NEXN: variants seen among roughly 807,000 people sequenced by gnomAD.
NEXN encodes the protein nexilin.
In NEXN, 65 loss-of-function variants were observed where a neutral mutation model predicts 92.6. That is an observed-to-expected ratio of 0.70 (90% CI 0.57 to 0.86). The LOEUF is 0.86. Ranked by LOEUF, NEXN falls within the 40% of genes least tolerant of loss-of-function variation. The pLI, the probability that NEXN is intolerant of heterozygous loss-of-function variation, is 0.00. For missense variants in NEXN, 778 were observed against 771.1 expected (o/e 1.01, Z -0.11); for synonymous variants, 254 against 242.5 (o/e 1.05, Z -0.44).
intron 12 of NEXN, 89 bp from the exon 13 acceptor site, chr1:77,942,370 TAA>T (rs374889046): frequency 5.5e-6 from 7 of 1,267,382 alleles, no homozygotes; most frequent in African/African-American, 4.4e-5. Flanking sequence ...GTTCTTTACT[TAA>T]AAAAAAAAAT....
chr1:77,935,200 G>A (rs1368577097), intron 10 of NEXN, among the ~76,000 whole-genome samples: 2 of 152,116 alleles, frequency 1.3e-5, no homozygotes, highest in African/African-American at 2.4e-5. Flanking sequence ...ACCATGCCCG[G>A]CTAATTTTTG....
intron 1 of NEXN, 84 bp downstream of exon 1, chr1:77,888,843 C>G (rs1647033886): frequency 6.5e-6 from 1 of 153,442 alleles, no homozygotes; most frequent in Non-Finnish European, 1.5e-5. Flanking sequence ...GCGGGAACGG[C>G]GGCTGCAGAG....
rs1651598830 is a variant in NEXN, at chr1:77,943,648, T to C, written c.*819T>C. 1 of 152,052 alleles carries C rather than the reference T, an allele frequency of 6.6e-6. No homozygotes were observed. The highest frequency in any genetic ancestry group is 2.1e-4 in the South Asian group (1 of 4,836). 9.4% of individuals were successfully genotyped at this position (152,052 alleles called of 1,614,324 possible). ...CTTGCCTGAACAAATTATATTTTAA[T>C]GAAAAAACTTTCTATTAATAGTTCA... On this transcript the variant is annotated 3_prime_UTR_variant, in exon 13 of 13. Transcript: ENST00000334785.
At chr1:77,913,226 C>T (rs1367047739) in intron 1 of NEXN, among the ~76,000 whole-genome samples, 1 of 152,086 alleles carries the variant, frequency 6.6e-6, no homozygotes, top group Non-Finnish European at 1.5e-5. Context: ...ACCAGCCTGA[C>T]CAATATAGCG....
rs115465149 is a variant in NEXN at position 77,927,186 on chromosome 1, A to G, written c.864+294A>G. On this transcript the variant is annotated intron_variant, in intron 8 of 12. Coordinates refer to ENST00000334785, the MANE Select transcript of NEXN (RefSeq NM_144573.4). ...GCTGCTTGGGAGGCTAAGGCACGAGAATCACTTGAACTTAGGCGATGGAGG... is the reference window on the plus strand; with the variant it reads ...GCTGCTTGGGAGGCTAAGGCACGAGGATCACTTGAACTTAGGCGATGGAGG... Among the ~76,000 whole-genome samples, 7,170 of 151,968 alleles carry G rather than the reference A, an allele frequency of 0.047. 229 individuals are homozygous for G. The highest frequency in any genetic ancestry group is 0.11 in the East Asian group (552 of 5,160).
At chr1:77,938,373 G>A (rs574070389) in intron 11 of NEXN, among the ~76,000 whole-genome samples, 2 of 152,184 alleles carry the variant, frequency 1.3e-5, no homozygotes, top group South Asian at 4.1e-4. Context: ...GTCTACAGCC[G>A]GGTGCGGTGG....
chr1:77,936,002 T>C lies in NEXN; in HGVS notation c.1431T>C (p.Ile477=). The C allele has an allele frequency of 2.5e-6, 4 of 1,613,878 alleles. No individual in the cohort carries two copies. Among genetic ancestry groups the C allele is most frequent in the Non-Finnish European group, 3.4e-6 (4 of 1,179,950 alleles). The change falls in exon 11 of 13, where the codon ATT becomes ATC. Residue 477 remains isoleucine (I), a synonymous_variant. Coordinates refer to ENST00000334785, the MANE Select transcript of NEXN (RefSeq NM_144573.4). ...IEEERARRRA[I]DLEIKEREAE... ...AAGAGCGAGCAAGAAGGAGAGCAAT[T>C]GACCTTGAAATTAAAGAGCGAGAAG...
At chr1:77,941,242 T>C (rs1324429244) in intron 11 of NEXN, among the ~76,000 whole-genome samples, 1 of 99,536 alleles carries the variant, frequency 1.0e-5, no homozygotes, top group Non-Finnish European at 2.0e-5. Flanking sequence ...AAACCAAAAG[T>C]CAAGAAACCA....
rs767792289 is a variant in NEXN, at chr1:77,936,021, C to T, written c.1450C>T (p.Arg484Ter). 3.7e-6 allele frequency: 6 copies of T among 1,612,946 alleles called. No homozygotes were observed. Among genetic ancestry groups the T allele is most frequent in the Non-Finnish European group, 5.1e-6 (6 of 1,179,412 alleles). The change falls in exon 11 of 13, where the codon CGA becomes TGA. Residue 484 changes from arginine (R) to a stop codon, truncating the protein, a stop_gained. Transcript: ENST00000334785. LOFTEE classifies it high-confidence loss of function. The part of the protein sequence containing the change: ...RRAIDLEIKE[R>*]EAENFHEEDD... ...AGCAATTGACCTTGAAATTAAAGAG[C>T]GAGAAGCTGAAAATTTTCATGAGGT... is the stretch of plus-strand genomic sequence containing the variant.
chr1:77,901,138 G>A (rs1647672255), intron 1 of NEXN, among the ~76,000 whole-genome samples: 1 of 152,070 alleles, frequency 6.6e-6, no homozygotes, highest in South Asian at 2.1e-4. Flanking sequence ...TAGAACCCCT[G>A]GGAGTCCTCA....
chr1:77,924,786 A>C (rs1649721879), intron 5 of NEXN, among the ~76,000 whole-genome samples: 1 of 152,016 alleles, frequency 6.6e-6, no homozygotes, highest in Non-Finnish European at 1.5e-5. Context: ...CAGCCTCCAG[A>C]GTAGCTGGGA....
At chr1:77,901,110 A>C (rs1480734046) in intron 1 of NEXN, among the ~76,000 whole-genome samples, 1 of 152,148 alleles carries the variant, frequency 6.6e-6, no homozygotes, top group African/African-American at 2.4e-5. Context: ...TAACTCAGCA[A>C]ATCTCAAAAT....
Position 77,942,764 on chromosome 1 carries a change from A to G in NEXN, c.1963A>G (p.Lys655Glu). The change falls in exon 13 of 13, where the codon AAA becomes GAA. Residue 655 changes from lysine to glutamate, a missense_variant. Around this residue, in one of 3 missense-constraint regions of NEXN, gnomAD observed 532 missense variants for 476.7 expected, o/e 1.12. Transcript: ENST00000334785. ...FPEDGGEYMCKAVNNKGSAAS... is the reference protein window; with the variant it reads ...FPEDGGEYMCEAVNNKGSAAS... The stretch of plus-strand genomic sequence containing the variant: ...AGAAGATGGAGGAGAGTATATGTGT[A>G]AAGCAGTCAACAATAAAGGATCTGC... 1 of 1,613,498 alleles carries G rather than the reference A, an allele frequency of 6.2e-7. No individual in the cohort carries two copies. Among genetic ancestry groups the G allele is most frequent in the Non-Finnish European group, 8.5e-7 (1 of 1,179,660 alleles).
chr1:77,940,714 A>C (rs1651194486), intron 11 of NEXN, among the ~76,000 whole-genome samples: 1 of 152,172 alleles, frequency 6.6e-6, no homozygotes, highest in South Asian at 2.1e-4. Context: ...GTCCTTTTTA[A>C]ATTTAAGTCT....
chr1:77,892,868 CTT>C (rs201767250), intron 1 of NEXN, among the ~76,000 whole-genome samples: 17 of 140,168 alleles, frequency 1.2e-4, no homozygotes, highest in Admixed American at 1.4e-4. Flanking sequence ...TGTAAATAAT[CTT>C]TTTTTTTTTT....
At chr1:77,942,274 G>T (rs1459921886) in intron 12 of NEXN, 66 bp downstream of exon 12, 1 of 1,535,260 alleles carries the variant, frequency 6.5e-7, no homozygotes, top group African/African-American at 1.4e-5. Context: ...TTTATAATTA[G>T]GTAGGTTAAA....
intron 1 of NEXN, among the ~76,000 whole-genome samples, chr1:77,915,504 C>T (rs1249644368): frequency 6.6e-6 from 1 of 152,174 alleles, no homozygotes; most frequent in Admixed American, 6.5e-5. Context: ...CGGCACACGC[C>T]TGTAGTCCCA....
intron 2 of NEXN, among the ~76,000 whole-genome samples, chr1:77,916,852 T>TC (rs1346338967): frequency 6.6e-6 from 1 of 152,210 alleles, no homozygotes; most frequent in Non-Finnish European, 1.5e-5. Flanking sequence ...TTCAGTCTTC[T>TC]ACCAGATTCC....
intron 1 of NEXN, among the ~76,000 whole-genome samples, chr1:77,904,619 A>T (rs1212771848): frequency 6.6e-6 from 1 of 152,190 alleles, no homozygotes; most frequent in African/African-American, 2.4e-5. Flanking sequence ...ATCCCCTGCA[A>T]TCTGGGAAGG....
Sources: gnomAD v4.1 joint callset for allele counts (sites outside exome capture counted in the v4.1 genomes callset) on GRCh38, gnomAD v4.1.1 for gene constraint, gnomAD v4.1.1 regional missense constraint, MANE v1.5 for transcripts, NCBI Gene and HGNC (gene_info 2026-07-23, HGNC 2026-07-21) for gene names.